DRC2: variants seen among roughly 807,000 people sequenced by gnomAD.
DRC2 encodes dynein regulatory complex subunit 2.
At chr12:48,911,723 C>T in the DRC2 span, among the ~76,000 whole-genome samples, 3 of 152,092 alleles carry the variant, frequency 2.0e-5, no homozygotes, top group Non-Finnish European at 4.4e-5. Context: ...CCTCAGCCTC[C>T]CAAAGATCTG....
the DRC2 span, among the ~76,000 whole-genome samples, chr12:48,907,234 A>C: frequency 1.3e-5 from 2 of 152,108 alleles, no homozygotes; most frequent in Non-Finnish European, 2.9e-5. Flanking sequence ...AAAACAAAAC[A>C]AAAAAACACT....
At chr12:48,912,465 T>C in the DRC2 span, among the ~76,000 whole-genome samples, 2 of 69,490 alleles carry the variant, frequency 2.9e-5, no homozygotes, top group Non-Finnish European at 6.4e-5. Context: ...AAAAAATTCA[T>C]GTGCACTTGG....
the DRC2 span, among the ~76,000 whole-genome samples, chr12:48,916,764 G>T: frequency 6.6e-6 from 1 of 152,106 alleles, no homozygotes; most frequent in Non-Finnish European, 1.5e-5. Flanking sequence ...TGTATCACAT[G>T]AATGTATTAC....
the DRC2 span, among the ~76,000 whole-genome samples, chr12:48,911,474 T>C: frequency 6.6e-6 from 1 of 152,004 alleles, no homozygotes; most frequent in Non-Finnish European, 1.5e-5. Context: ...GGGGGATCAA[T>C]TGAGCCTGGG....
the DRC2 span, among the ~76,000 whole-genome samples, chr12:48,912,265 C>A: frequency 6.7e-6 from 1 of 149,490 alleles, no homozygotes; most frequent in Non-Finnish European, 1.5e-5. Flanking sequence ...CATCTCTCTA[C>A]TAAAAAATAA....
chr12:48,918,696 T>C, the DRC2 span: 2 of 1,613,448 alleles, frequency 1.2e-6, no homozygotes, highest in South Asian at 2.2e-5. Context: ...ATGCCATAAC[T>C]ATTTCAAAAG....
chr12:48,920,970 T>C, the DRC2 span: 45 of 1,613,690 alleles, frequency 2.8e-5, no homozygotes, highest in Admixed American at 7.3e-4. Context: ...TGTAGGAAAT[T>C]TGAAACCGAA....
At chr12:48,910,363 C>T in the DRC2 span, among the ~76,000 whole-genome samples, 1 of 152,168 alleles carries the variant, frequency 6.6e-6, no homozygotes. Flanking sequence ...GTTAGGTAAA[C>T]ATTTGTTGAG....
chr12:48,920,441 T>TTAAAAAAAAAAAAAA, the DRC2 span, among the ~76,000 whole-genome samples: 12 of 67,816 alleles, frequency 1.8e-4, 1 homozygote, highest in Non-Finnish European at 2.3e-4. Flanking sequence ...AACTCCATCT[T>TTAAAAAAAAAAAAAA]AAAAAAAAAA....
At chr12:48,921,357 T>A in the DRC2 span, 7 of 1,614,078 alleles carry the variant, frequency 4.3e-6, no homozygotes, top group Non-Finnish European at 5.9e-6. Context: ...CAACCCACTC[T>A]TTATAGTCAA....
the DRC2 span, among the ~76,000 whole-genome samples, chr12:48,912,437 C>CAAAAAAAAAAAAAAAAAAAAAAAAA: frequency 9.0e-4 from 41 of 45,360 alleles, 7 homozygotes; most frequent in Non-Finnish European, 1.1e-3. Flanking sequence ...GACGCCGTCT[C>CAAAAAAAAAAAAAAAAAAAAAAAAA]AAAAAAAAAA....
the DRC2 span, among the ~76,000 whole-genome samples, chr12:48,907,643 A>C: frequency 6.6e-6 from 1 of 152,188 alleles, no homozygotes; most frequent in African/African-American, 2.4e-5. Flanking sequence ...TTCTCTAGGA[A>C]ACTGCTCAGG....
At chr12:48,916,201 G>A in the DRC2 span, among the ~76,000 whole-genome samples, 3 of 151,666 alleles carry the variant, frequency 2.0e-5, no homozygotes, top group South Asian at 2.1e-4. Context: ...ACGGGGTGGC[G>A]GCCGGGCAGA....
chr12:48,907,741 C>A, the DRC2 span, among the ~76,000 whole-genome samples: 1 of 152,204 alleles, frequency 6.6e-6, no homozygotes, highest in African/African-American at 2.4e-5. Context: ...CATTCTTGGT[C>A]ATGCCCTGGG....
chr12:48,918,691 A>AT, the DRC2 span: 1 of 1,613,326 alleles, frequency 6.2e-7, no homozygotes, highest in Non-Finnish European at 8.5e-7. Flanking sequence ...CTAGGATGCC[A>AT]TAACTATTTC....
At chr12:48,913,010 A>G in the DRC2 span, among the ~76,000 whole-genome samples, 6 of 151,262 alleles carry the variant, frequency 4.0e-5, no homozygotes, top group African/African-American at 1.2e-4. Flanking sequence ...GGTGGCATGC[A>G]TCTGTAGTCC....
At chr12:48,915,015 C>A in the DRC2 span, among the ~76,000 whole-genome samples, 1 of 151,858 alleles carries the variant, frequency 6.6e-6, no homozygotes, top group Non-Finnish European at 1.5e-5. Flanking sequence ...CGTGCCACCA[C>A]ACCTGGCTAT....
the DRC2 span, chr12:48,920,872 C>G: frequency 6.6e-7 from 1 of 1,521,570 alleles, no homozygotes; most frequent in Non-Finnish European, 8.9e-7. Flanking sequence ...GAACCAACTC[C>G]ACTAGCTTCC....
the DRC2 span, among the ~76,000 whole-genome samples, chr12:48,912,652 G>C: frequency 1.3e-5 from 2 of 151,998 alleles, no homozygotes; most frequent in Non-Finnish European, 2.9e-5. Context: ...AATTCAAGGA[G>C]CTGGAAGAAG....
Sources: allele counts gnomAD v4.1 joint callset (sites outside exome capture counted in the v4.1 genomes callset), GRCh38; gene constraint gnomAD v4.1.1; transcripts MANE v1.5; gene names NCBI Gene and HGNC (gene_info 2026-07-23, HGNC 2026-07-21).